Variants in CLINT1 observed in about 807,000 individuals in gnomAD.
CLINT1 encodes the protein clathrin interactor 1.
CLINT1 carries 15 observed loss-of-function variants against 70.4 expected under a neutral mutation model. The observed-to-expected ratio is 0.21, with a 90% CI of 0.14 to 0.33. CLINT1 has a LOEUF of 0.33. Among genes scored for constraint, CLINT1 ranks in the 10% least tolerant of loss-of-function variants. CLINT1 has a pLI of 1.00. For synonymous variants in CLINT1, 227 were observed against 254.7 expected (o/e 0.89, Z 1.04); for missense variants, 615 against 778.1 (o/e 0.79, Z 2.49).
chr5:157,800,604 CTT>C (rs1226863848), intron 8 of CLINT1, among the ~76,000 whole-genome samples: 2 of 152,038 alleles, frequency 1.3e-5, no homozygotes, highest in Non-Finnish European at 2.9e-5. Context: ...TAGGAGATAA[CTT>C]TAATTTTAAA....
intron 3 of CLINT1, among the ~76,000 whole-genome samples, chr5:157,816,311 T>G (rs968120650): frequency 2.0e-5 from 3 of 152,158 alleles, no homozygotes; most frequent in African/African-American, 7.2e-5. Flanking sequence ...AGTTTAAAAT[T>G]AGAATTATAT....
chr5:157,818,348 A>C (rs1762781813), intron 1 of CLINT1, among the ~76,000 whole-genome samples: 1 of 152,002 alleles, frequency 6.6e-6, no homozygotes, highest in South Asian at 2.1e-4. Flanking sequence ...TAGCACAGCA[A>C]ATGGTGTTTA....
At position 157,808,184 on chromosome 5, in the gene CLINT1, TTTTGGCTTGG is replaced by T. The variant is rs1167360068; in HGVS notation, c.695+1434_695+1443del. 4.5e-4 allele frequency among the ~76,000 whole-genome samples: 69 copies of T among 152,116 alleles called. 3 individuals carry two copies. Among genetic ancestry groups the T allele is most frequent in the Non-Finnish European group, 5.9e-5 (4 of 67,972 alleles). On this transcript the variant is annotated intron_variant, in intron 6 of 11. Coordinates refer to ENST00000411809, the MANE Select transcript of CLINT1 (RefSeq NM_014666.4). Reference sequence around the variant, plus strand: ...TTAATGTTTTTGTGGCCTGTGTAAGTTTTGGCTTGGTTTGGAAAACATTATTGAAATTATG... The same window carrying T: ...TTAATGTTTTTGTGGCCTGTGTAAGTTTTGGAAAACATTATTGAAATTATG...
rs900075321 is a variant in CLINT1 at position 157,800,464 on chromosome 5, A to C, written c.1012+3186T>G. 1.3e-5 allele frequency among the ~76,000 whole-genome samples: 2 copies of C among 152,146 alleles called. 1 individual carries two copies. Among genetic ancestry groups the C allele is most frequent in the Admixed American group, 1.3e-4 (2 of 15,272 alleles). The stretch of plus-strand genomic sequence containing the variant: ...TGTAAGTGCTAAAGATTTAATGCCC[A>C]ATTTCCTTTCACTGCTGAATTCAAT... On this transcript the variant is annotated intron_variant, in intron 8 of 11. Coordinates refer to ENST00000411809, the MANE Select transcript of CLINT1 (RefSeq NM_014666.4).
chr5:157,806,079 G>A lies in CLINT1; in HGVS notation c.729C>T (p.Gly243=). Residue 243 remains glycine, a synonymous_variant, in exon 7 of 12, where the codon GGC becomes GGT. Coordinates refer to ENST00000411809, the MANE Select transcript of CLINT1 (RefSeq NM_014666.4). ...DSDEEKKARR[G]RSPKGEFKDE... is the part of the protein sequence containing the mutation. Reference sequence around the variant, plus strand: ...CTTTGAATTCACCTTTGGGAGATCTGCCTCTTCTCGCTTTCTTTTCCTCAT... The same window carrying A: ...CTTTGAATTCACCTTTGGGAGATCTACCTCTTCTCGCTTTCTTTTCCTCAT... 1 of 1,613,862 alleles carries A rather than the reference G, an allele frequency of 6.2e-7. No homozygotes were observed. Among genetic ancestry groups the A allele is most frequent in the Non-Finnish European group, 8.5e-7 (1 of 1,179,832 alleles).
chr5:157,855,157 C>CGAG (rs1753713665), intron 1 of CLINT1, among the ~76,000 whole-genome samples: 1 of 8,184 alleles, frequency 1.2e-4, no homozygotes, highest in African/African-American at 5.8e-4. Flanking sequence ...AAAAAAAAGG[C>CGAG]GGGGGGGGGG....
At chr5:157,825,892 G>A (rs1763020569) in intron 1 of CLINT1, among the ~76,000 whole-genome samples, 1 of 152,076 alleles carries the variant, frequency 6.6e-6, no homozygotes, top group Non-Finnish European at 1.5e-5. Context: ...ATGAACCACA[G>A]AATTGTAATC....
At chr5:157,848,347 T>C (rs1429683637) in intron 1 of CLINT1, among the ~76,000 whole-genome samples, 2 of 148,094 alleles carry the variant, frequency 1.4e-5, no homozygotes, top group Non-Finnish European at 3.0e-5. Flanking sequence ...TCCACCCGCC[T>C]CTCCCTCACA....
At chr5:157,806,247 C>T (rs1486158909) in intron 6 of CLINT1, 135 bp from the exon 7 acceptor site, 2 of 832,830 alleles carry the variant, frequency 2.4e-6, no homozygotes, top group Admixed American at 2.8e-5. Flanking sequence ...CAGGGATCAA[C>T]AGAATGTTAT....
chr5:157,811,879 T>C (rs1174600600), intron 5 of CLINT1, among the ~76,000 whole-genome samples: 1 of 152,226 alleles, frequency 6.6e-6, no homozygotes, highest in Admixed American at 6.5e-5. Context: ...AGTTACTACT[T>C]GGGTAAATAA....
intron 1 of CLINT1, among the ~76,000 whole-genome samples, chr5:157,820,009 TCTC>T (rs1001524254): frequency 4.7e-4 from 72 of 152,238 alleles, no homozygotes; most frequent in African/African-American, 1.6e-3. Flanking sequence ...AATCTAAGAA[TCTC>T]CTCATTTCTT....
At position 157,793,863 on chromosome 5, in the gene CLINT1, T is replaced by C. The variant is rs570232262; in HGVS notation, c.1087+1035A>G. On this transcript the variant is annotated intron_variant, in intron 9 of 11. Coordinates refer to ENST00000411809, the MANE Select transcript of CLINT1 (RefSeq NM_014666.4). Reference sequence around the variant, plus strand: ...AAACCTAACCAAATATTACTAAATATAAATTTTAATCCAGTTTAATATAAC... The same window carrying C: ...AAACCTAACCAAATATTACTAAATACAAATTTTAATCCAGTTTAATATAAC... Among the ~76,000 whole-genome samples, 6 of 152,288 alleles carry C rather than the reference T, an allele frequency of 3.9e-5. No homozygotes were observed. The East Asian group carries it at 9.6e-4, about 24-fold the overall frequency.
At chr5:157,803,613 T>G in intron 8 of CLINT1, 37 bp downstream of exon 8, 2 of 1,379,428 alleles carry the variant, frequency 1.4e-6, no homozygotes, top group Non-Finnish European at 1.9e-6. Flanking sequence ...AAAAAATGAC[T>G]CTCAAACCAA....
chr5:157,823,843 A>C, intron 1 of CLINT1: 1 of 210,974 alleles, frequency 4.7e-6, no homozygotes, highest in South Asian at 1.7e-4. Flanking sequence ...GTGGCGAGCG[A>C]GCGTCACTGC....
At chr5:157,823,556 C>A (rs1245382511) in intron 1 of CLINT1, among the ~76,000 whole-genome samples, 1 of 151,928 alleles carries the variant, frequency 6.6e-6, no homozygotes, top group Non-Finnish European at 1.5e-5. Flanking sequence ...AATTTAAGTA[C>A]CCAATTTTGG....
intron 1 of CLINT1, among the ~76,000 whole-genome samples, chr5:157,822,161 T>C (rs1029048909): frequency 2.6e-5 from 4 of 152,116 alleles, no homozygotes; most frequent in Non-Finnish European, 4.4e-5. Flanking sequence ...GAGGGCGGTT[T>C]CCCTCATACT....
chr5:157,803,750 GAA>G (rs756107983), intron 7 of CLINT1, 31 bp from the exon 8 acceptor site: 2 of 1,487,646 alleles, frequency 1.3e-6, no homozygotes, highest in South Asian at 2.9e-5. Context: ...CAGGAGCTTC[GAA>G]AAGTTTGTTT....
At chr5:157,792,773 C>T (rs1386933897) in intron 9 of CLINT1, among the ~76,000 whole-genome samples, 3 of 152,176 alleles carry the variant, frequency 2.0e-5, no homozygotes, top group African/African-American at 7.2e-5. Flanking sequence ...CTCTTAATCA[C>T]TACAGTCTTA....
At chr5:157,834,065 G>C (rs552733327) in intron 1 of CLINT1, among the ~76,000 whole-genome samples, 1 of 152,324 alleles carries the variant, frequency 6.6e-6, no homozygotes, top group East Asian at 1.9e-4. Context: ...GTTCTGGCCA[G>C]GCACGGAGGC....
Sources: gnomAD v4.1 joint callset for allele counts (sites outside exome capture counted in the v4.1 genomes callset) on GRCh38, gnomAD v4.1.1 for gene constraint, MANE v1.5 for transcripts, NCBI Gene and HGNC (gene_info 2026-07-23, HGNC 2026-07-21) for gene names.